The following NOL4 variants were observed in gnomAD, a reference collection of about 807,000 sequenced individuals.
NOL4 encodes the protein nucleolar protein 4, also known as cancer/testis antigen 125.
In NOL4, 17 loss-of-function variants were observed where a neutral mutation model predicts 75.9. The observed-to-expected ratio is 0.22, with a 90% CI of 0.15 to 0.34. The LOEUF (loss-of-function observed/expected upper bound fraction) is 0.34. NOL4 is among the 10% of genes least tolerant of loss of function. The pLI is 1.00. For synonymous variants in NOL4, 292 were observed against 289.9 expected (o/e 1.01, Z -0.07); for missense variants, 614 against 793.5 (o/e 0.77, Z 2.72).
chr18:34,190,956 T>A (rs949661222), intron 1 of NOL4, among the ~76,000 whole-genome samples: 1 of 152,048 alleles, frequency 6.6e-6, no homozygotes, highest in African/African-American at 2.4e-5. Context: ...CCAAAGAATC[T>A]CATCAGGCAA....
At chr18:34,127,591 C>G (rs569427158) in intron 2 of NOL4, among the ~76,000 whole-genome samples, 5 of 151,886 alleles carry the variant, frequency 3.3e-5, no homozygotes, top group Non-Finnish European at 5.9e-5. Flanking sequence ...GCCCAACAGT[C>G]TATGGCCTTA....
chr18:34,161,800 C>A (rs1212568832), intron 1 of NOL4, among the ~76,000 whole-genome samples: 2 of 152,092 alleles, frequency 1.3e-5, no homozygotes, highest in African/African-American at 4.8e-5. Flanking sequence ...AAAATACCAA[C>A]TAAAGTGTTA....
intron 9 of NOL4, among the ~76,000 whole-genome samples, chr18:33,913,114 A>G (rs2066504153): frequency 6.6e-6 from 1 of 152,114 alleles, no homozygotes; most frequent in Non-Finnish European, 1.5e-5. Flanking sequence ...AGGCCTATTA[A>G]ATTCATCTTG....
intron 4 of NOL4, among the ~76,000 whole-genome samples, 200 bp from the exon 5 acceptor site, chr18:34,093,797 T>C (rs571900844): frequency 1.5e-4 from 23 of 152,274 alleles, no homozygotes; most frequent in Admixed American, 1.4e-3. Flanking sequence ...CCCAGCACTT[T>C]CAGAGGCTGA....
chr18:34,171,419 T>C (rs1460206776), intron 1 of NOL4, among the ~76,000 whole-genome samples: 3 of 152,176 alleles, frequency 2.0e-5, no homozygotes, highest in South Asian at 2.1e-4. Context: ...GAATAGAGAA[T>C]AAATTTGTAA....
intron 9 of NOL4, among the ~76,000 whole-genome samples, chr18:33,918,003 G>A (rs1160984027): frequency 6.6e-6 from 1 of 152,056 alleles, no homozygotes; most frequent in Non-Finnish European, 1.5e-5. Context: ...TGTTGTCATT[G>A]TACAAACATC....
chr18:33,983,347 C>T (rs556322880), intron 6 of NOL4, among the ~76,000 whole-genome samples: 2 of 151,944 alleles, frequency 1.3e-5, no homozygotes, highest in African/African-American at 4.8e-5. Flanking sequence ...GTGATGATAA[C>T]GTGTCATTGT....
At chr18:33,995,678 T>C (rs1365502733) in intron 6 of NOL4, among the ~76,000 whole-genome samples, 2 of 151,924 alleles carry the variant, frequency 1.3e-5, no homozygotes, top group Admixed American at 1.3e-4. Flanking sequence ...GATTTCTTCA[T>C]TGACTGAATG....
At chr18:34,088,001 A>T (rs1028235294) in intron 5 of NOL4, among the ~76,000 whole-genome samples, 4 of 151,844 alleles carry the variant, frequency 2.6e-5, no homozygotes, top group South Asian at 2.1e-4. Flanking sequence ...ATCTTTTTTT[A>T]AAATGCAAAT....
rs191651807 is a variant in NOL4 at position 34,221,980 on chromosome 18, C to A, written c.264+1010G>T. On this transcript the variant is annotated intron_variant, in intron 1 of 10. Transcript: ENST00000261592. ...AGCGAGGCAAAAATACAAAGGATGC[C>A]AGATAGCCTCCCCCATCCCTACTCC... is the stretch of plus-strand genomic sequence containing the variant. The A allele has an allele frequency of 2.6e-4, 395 of 1,490,688 alleles. No homozygotes were observed. In the African/African-American group the frequency reaches 4.6e-3, roughly 17 times the overall value. 92.3% of individuals were successfully genotyped at this position (1,490,688 alleles called of 1,614,324 possible). A position where few individuals can be genotyped will look rare whatever the true frequency, so the allele number is the denominator to read the frequency against.
chr18:33,946,372 T>G (rs985416041), intron 8 of NOL4, among the ~76,000 whole-genome samples: 2 of 151,684 alleles, frequency 1.3e-5, no homozygotes, highest in African/African-American at 4.8e-5. Context: ...TCAAATTTAA[T>G]CTCCTTAACA....
intron 5 of NOL4, among the ~76,000 whole-genome samples, chr18:34,023,059 T>G (rs8086342): frequency 0.41 from 61,825 of 151,878 alleles, 13,087 homozygotes; most frequent in Non-Finnish European, 0.47. Context: ...CATATTTCAT[T>G]CCTGAGTAAA....
chr18:33,971,758 A>T (rs1414627386), intron 6 of NOL4, among the ~76,000 whole-genome samples: 2 of 152,062 alleles, frequency 1.3e-5, no homozygotes, highest in East Asian at 3.9e-4. Flanking sequence ...TCCAGAGATT[A>T]CTTTATATAA....
intron 5 of NOL4, among the ~76,000 whole-genome samples, chr18:34,025,040 A>G (rs924906628): frequency 6.6e-6 from 1 of 152,174 alleles, no homozygotes; most frequent in Non-Finnish European, 1.5e-5. Context: ...AGAACTAAAG[A>G]TGACTAACAG....
chr18:34,142,153 A>G (rs1326107766), intron 1 of NOL4, among the ~76,000 whole-genome samples: 1 of 152,212 alleles, frequency 6.6e-6, no homozygotes, highest in African/African-American at 2.4e-5. Context: ...ACCAGTTAGA[A>G]TGGTGATCAT....
At chr18:33,934,290 C>T (rs1273735270) in intron 9 of NOL4, among the ~76,000 whole-genome samples, 1 of 152,022 alleles carries the variant, frequency 6.6e-6, no homozygotes, top group Non-Finnish European at 1.5e-5. Flanking sequence ...TCATGAAATT[C>T]TTAAGGGCCC....
chr18:33,903,455 G>C (rs1488079530), intron 9 of NOL4, among the ~76,000 whole-genome samples: 3 of 152,100 alleles, frequency 2.0e-5, no homozygotes, highest in Admixed American at 2.0e-4. Flanking sequence ...CAATCCTTGT[G>C]CTGTTAAGTT....
At chr18:33,869,803 T>C (rs978059352) in intron 10 of NOL4, among the ~76,000 whole-genome samples, 4 of 152,092 alleles carry the variant, frequency 2.6e-5, no homozygotes, top group African/African-American at 9.6e-5. Flanking sequence ...TACTTAGATG[T>C]AGAACACATG....
intron 1 of NOL4, among the ~76,000 whole-genome samples, chr18:34,171,107 C>T (rs9953289): frequency 0.5 from 75,699 of 151,878 alleles, 18,928 homozygotes; most frequent in Admixed American, 0.56. Context: ...ATAAGAAAAA[C>T]TGCATTATAA....
Sources: gnomAD v4.1 joint callset for allele counts (sites outside exome capture counted in the v4.1 genomes callset) on GRCh38, gnomAD v4.1.1 for gene constraint, MANE v1.5 for transcripts, NCBI Gene and HGNC (gene_info 2026-07-23, HGNC 2026-07-21) for gene names.